Variants in ZNF611 observed in about 807,000 individuals in gnomAD.
The protein encoded by ZNF611 is zinc finger protein 611.
ZNF611 carries 6 observed loss-of-function variants against 8.9 expected under a neutral mutation model. The ratio of observed to expected loss-of-function variants is 0.68; its 90% CI spans 0.37 to 1.34. The LOEUF is 1.34. Ranked by LOEUF, ZNF611 falls within the 40% of genes most tolerant of loss-of-function variation. The pLI is 0.02. For missense variants in ZNF611, 874 were observed against 841.3 expected, an observed-to-expected ratio of 1.04 and a Z score of -0.48; for synonymous variants, 262 against 279.7, an observed-to-expected ratio of 0.94 and a Z score of 0.63.
At chr19:52,714,436 C>T (rs531528707) in intron 4 of ZNF611, among the ~76,000 whole-genome samples, 3 of 151,912 alleles carry the variant, frequency 2.0e-5, no homozygotes, top group African/African-American at 7.3e-5. Flanking sequence ...GCTTGTAATC[C>T]CAACACTTCA....
chr19:52,710,119 T>C (rs2062270225), intron 5 of ZNF611, among the ~76,000 whole-genome samples: 1 of 152,120 alleles, frequency 6.6e-6, no homozygotes, highest in African/African-American at 2.4e-5. Context: ...TAATGCTTCA[T>C]CACCCAGGCT....
At chr19:52,730,389 CTCAAAAAAAAAA>C (rs2062418071) in intron 1 of ZNF611, among the ~76,000 whole-genome samples, 1 of 60,090 alleles carries the variant, frequency 1.7e-5, no homozygotes, top group African/African-American at 6.5e-5. Flanking sequence ...CAGACTCCGT[CTCAAAAAAAAAA>C]AAAAAAAAAA....
chr19:52,706,950 T>C lies in ZNF611; in HGVS notation c.191-86A>G, dbSNP rs950843996. Reference sequence around the variant, plus strand: ...TGCATAAATATGACACAAAAAACGATACTTATTTTGAACTTCCCAAACATC... The same window carrying C: ...TGCATAAATATGACACAAAAAACGACACTTATTTTGAACTTCCCAAACATC... On this transcript the variant is annotated intron_variant, in intron 5 of 5. Coordinates refer to ENST00000652185, the MANE Select transcript of ZNF611 (RefSeq NM_001161499.2). 8 of 1,518,412 alleles carry C rather than the reference T, an allele frequency of 5.3e-6. No individual in the cohort carries two copies. In the African/African-American group the frequency reaches 1.1e-4, roughly 21 times the overall value. The allele number at this position is 1,518,412 out of a possible 1,614,324, so 94.1% of individuals were successfully genotyped here.
chr19:52,715,658 G>A (rs1568604062), intron 4 of ZNF611, among the ~76,000 whole-genome samples, 174 bp downstream of exon 4: 1 of 152,120 alleles, frequency 6.6e-6, no homozygotes, highest in Non-Finnish European at 1.5e-5. Flanking sequence ...CATGTCACTG[G>A]GTCACAGGAG....
At chr19:52,725,670 G>A (rs1418705035) in intron 3 of ZNF611, among the ~76,000 whole-genome samples, 1 of 152,182 alleles carries the variant, frequency 6.6e-6, no homozygotes, top group African/African-American at 2.4e-5. Flanking sequence ...AGGGACAGAA[G>A]TGCCAGGGAC....
At chr19:52,730,456 T>C (rs996203839) in intron 1 of ZNF611, among the ~76,000 whole-genome samples, 3 of 148,918 alleles carry the variant, frequency 2.0e-5, no homozygotes, top group Non-Finnish European at 3.0e-5. Context: ...TGAAAGATTA[T>C]ATTGGCCAAA....
Position 52,705,171 on chromosome 19 carries a change from G to A in ZNF611, c.1884C>T (p.Gly628=), listed in dbSNP as rs370377216. The A allele has an allele frequency of 3.1e-6, 5 of 1,614,092 alleles. No individual in the cohort carries two copies. The highest frequency in any genetic ancestry group is 4.2e-6 in the Non-Finnish European group (5 of 1,180,016). Residue 628 remains glycine (G), a synonymous_variant, in exon 6 of 6, where the codon GGC becomes GGT. Coordinates refer to ENST00000652185, the MANE Select transcript of ZNF611 (RefSeq NM_001161499.2). ...GGGATGAGCAGTGACGGAAGGTATT[G>A]CCACACTCATTACACTTGTAAGGTT... ...GEKPYKCNEC[G]NTFRHCSSLI... is the part of the protein sequence containing the mutation.
At position 52,706,367 on chromosome 19, in the gene ZNF611, A is replaced by G; in HGVS notation, c.688T>C (p.Ser230Pro). 1 of 1,614,140 alleles carries G rather than the reference A, an allele frequency of 6.2e-7. No individual in the cohort carries two copies. Among genetic ancestry groups the G allele is most frequent in the Non-Finnish European group, 8.5e-7 (1 of 1,180,032 alleles). Residue 230 changes from serine (S) to proline (P), a missense_variant, in exon 6 of 6, where the codon TCT becomes CCT. By Grantham distance (74) the Ser-to-Pro change is moderately conservative. Coordinates refer to ENST00000652185, the MANE Select transcript of ZNF611 (RefSeq NM_001161499.2). ...TTGCCACTCTTATTACATTGGAAAG[A>G]TTTTTCTCTCATGTGTACTTCCTGT... ...QKQEVHMREKSFQCNKSGKAF... is the reference protein window; with the variant it reads ...QKQEVHMREKPFQCNKSGKAF...
intron 1 of ZNF611, among the ~76,000 whole-genome samples, chr19:52,731,642 C>G (rs1472146534): frequency 6.6e-6 from 1 of 151,666 alleles, no homozygotes; most frequent in African/African-American, 2.4e-5. Context: ...GCTGGGATTA[C>G]AGGCTTGAGC....
intron 3 of ZNF611, among the ~76,000 whole-genome samples, chr19:52,720,708 G>A (rs368229679): frequency 1.6e-3 from 237 of 151,452 alleles, no homozygotes; most frequent in African/African-American, 5.4e-3. Context: ...CCCAGATGGC[G>A]TGGCCGGGCA....
intron 1 of ZNF611, among the ~76,000 whole-genome samples, chr19:52,730,453 T>C (rs867511111): frequency 2.7e-5 from 4 of 148,390 alleles, no homozygotes; most frequent in South Asian, 4.3e-4. Flanking sequence ...GTCTGAAAGA[T>C]TATATTGGCC....
At chr19:52,712,460 A>G (rs1379907660) in intron 5 of ZNF611, among the ~76,000 whole-genome samples, 2 of 85,678 alleles carry the variant, frequency 2.3e-5, no homozygotes, top group Middle Eastern at 5.4e-3. Context: ...CTCTACTAAA[A>G]AAAAAAAAAA....
rs144112352 is a variant in ZNF611, at chr19:52,706,548, T to C, written c.507A>G (p.Ile169Met). ...SFYSHLPELH[I>M]FQIKGEIGNQ... is the part of the protein sequence containing the mutation. ...TACCAATTTCACCTTTGATCTGAAA[T>C]ATGTGGAGTTCAGGCAGATGTGAAT... The change falls in exon 6 of 6, where the codon ATA (isoleucine) becomes ATG (methionine). Residue 169 changes from isoleucine (I) to methionine (M), a missense_variant. Transcript: ENST00000652185. 1.3e-3 allele frequency: 2,024 copies of C among 1,614,148 alleles called. 35 individuals carry two copies. The South Asian group carries it at 0.018, about 15-fold the overall frequency.
rs773636977 is a variant in ZNF611 at position 52,714,123 on chromosome 19, C to G, written c.82G>C (p.Asp28His). Reference sequence around the variant, plus strand: ...GCCAATGAGAATTCTATAGCCACATCCCGGAAAGTCAAGCGTCCCTAAAAT... The same window carrying G: ...GCCAATGAGAATTCTATAGCCACATGCCGGAAAGTCAAGCGTCCCTAAAAT... ...ALPQGRLTFR[D>H]VAIEFSLAEW... Residue 28 changes from aspartate to histidine, a missense_variant, in exon 5 of 6, where the codon GAT becomes CAT. Physicochemically the swap from Asp to His is moderately conservative, Grantham distance 81 (BLOSUM62 -1). Coordinates refer to ENST00000652185, the MANE Select transcript of ZNF611 (RefSeq NM_001161499.2). The G allele has an allele frequency of 6.2e-7, 1 of 1,613,506 alleles. No individual in the cohort carries two copies. Among genetic ancestry groups the G allele is most frequent in the Non-Finnish European group, 8.5e-7 (1 of 1,179,950 alleles).
At chr19:52,722,589 T>C (rs1372601364) in intron 3 of ZNF611, among the ~76,000 whole-genome samples, 1 of 152,192 alleles carries the variant, frequency 6.6e-6, no homozygotes, top group Non-Finnish European at 1.5e-5. Flanking sequence ...TTATAGAATG[T>C]ACATGACTCA....
chr19:52,721,701 G>GAGAGGC (rs1324446216), intron 3 of ZNF611, among the ~76,000 whole-genome samples: 2 of 151,876 alleles, frequency 1.3e-5, no homozygotes, highest in East Asian at 1.9e-4. Context: ...GAGGGAGAGG[G>GAGAGGC]AGAGGCAGAG....
chr19:52,730,632 T>C (rs2062420486), intron 1 of ZNF611, among the ~76,000 whole-genome samples: 1 of 151,952 alleles, frequency 6.6e-6, no homozygotes, highest in Non-Finnish European at 1.5e-5. Flanking sequence ...TTGCCCAGGC[T>C]GGAGTGCAAT....
In ZNF611 at chr19:52,704,921, C is replaced by T; in HGVS notation, c.*16G>A. On this transcript the variant is annotated 3_prime_UTR_variant, in exon 6 of 6. Transcript: ENST00000652185. ...TGTGATTTCCAAATGGAAACTTTGT[C>T]ACATGCTTCACATTTCTAAGGTTTC... The T allele has an allele frequency of 6.2e-7, 1 of 1,612,998 alleles. No individual in the cohort carries two copies. The highest frequency in any genetic ancestry group is 8.5e-7 in the Non-Finnish European group (1 of 1,179,470).
rs140829796 is a variant in ZNF611, at chr19:52,706,102, T to C, written c.953A>G (p.Asn318Ser). The change falls in exon 6 of 6, where the codon AAT (asparagine) becomes AGT (serine). Residue 318 changes from asparagine (N) to serine (S), a missense_variant. Transcript: ENST00000652185. ...LHTGVKRYNCNECGKIFGQNS... is the reference protein window; with the variant it reads ...LHTGVKRYNCSECGKIFGQNS... The stretch of plus-strand genomic sequence containing the variant: ...TTGACCAAAGATCTTGCCACACTCA[T>C]TACAATTGTAACGTTTTACTCCAGT... The C allele has an allele frequency of 1.8e-4, 296 of 1,614,054 alleles. 1 individual carries two copies. The East Asian group carries it at 6.1e-3, about 33-fold the overall frequency.
Sources: allele counts gnomAD v4.1 joint callset (sites outside exome capture counted in the v4.1 genomes callset), GRCh38; gene constraint gnomAD v4.1.1; transcripts MANE v1.5; gene names NCBI Gene and HGNC (gene_info 2026-07-23, HGNC 2026-07-21).